The following NOS1AP variants were observed in gnomAD, a reference collection of about 807,000 sequenced individuals.
The protein encoded by NOS1AP is carboxyl-terminal PDZ ligand of neuronal nitric oxide synthase protein.
A neutral mutation model predicts 56.2 loss-of-function variants in NOS1AP; 21 were observed. The observed-to-expected ratio is 0.37, with a 90% CI of 0.26 to 0.54. NOS1AP has a LOEUF of 0.54. Among genes scored for constraint, NOS1AP ranks in the 20% least tolerant of loss-of-function variants. The pLI, the probability that NOS1AP is intolerant of heterozygous loss-of-function variation, is 0.84. For synonymous variants in NOS1AP, 270 were observed against 274.6 expected (o/e 0.98, Z 0.17); for missense variants, 522 against 657.8 (o/e 0.79, Z 2.26).
chr1:162,236,548 A>G (rs977636317), intron 2 of NOS1AP, among the ~76,000 whole-genome samples: 3 of 152,156 alleles, frequency 2.0e-5, no homozygotes, highest in Non-Finnish European at 4.4e-5. Context: ...CCCTTTGCCC[A>G]TATGTTACTT....
At chr1:162,217,838 G>A (rs1277169744) in intron 2 of NOS1AP, among the ~76,000 whole-genome samples, 1 of 152,176 alleles carries the variant, frequency 6.6e-6, no homozygotes, top group Non-Finnish European at 1.5e-5. Context: ...CGAGACTGGA[G>A]ATGGCCTCAT....
intron 1 of NOS1AP, among the ~76,000 whole-genome samples, chr1:162,075,665 G>C (rs1381790309): frequency 2.0e-5 from 3 of 152,182 alleles, no homozygotes; most frequent in African/African-American, 4.8e-5. Flanking sequence ...TAGCAATTCA[G>C]ATTAAGGGTC....
At chr1:162,162,180 T>C (rs1157414049) in intron 2 of NOS1AP, among the ~76,000 whole-genome samples, 1 of 152,250 alleles carries the variant, frequency 6.6e-6, no homozygotes, top group Non-Finnish European at 1.5e-5. Flanking sequence ...GTCTACTTGT[T>C]TCTACGTGTG....
intron 3 of NOS1AP, among the ~76,000 whole-genome samples, chr1:162,289,209 T>TTCCTTCCTTTCCTTCCTTCC (rs1276270878): frequency 3.0e-5 from 3 of 99,536 alleles, no homozygotes; most frequent in African/African-American, 1.2e-4. Flanking sequence ...CCTTCCTTCC[T>TTCCTTCCTTTCCTTCCTTCC]TTCCTTCCTT....
intron 2 of NOS1AP, 89 bp from the exon 3 acceptor site, chr1:162,287,255 C>CT: frequency 1.0e-6 from 1 of 955,988 alleles, no homozygotes; most frequent in Non-Finnish European, 1.7e-6. Context: ...GTCTGGGGAC[C>CT]TTTTTTCCAG....
intron 1 of NOS1AP, among the ~76,000 whole-genome samples, chr1:162,142,847 T>G (rs1230965793): frequency 6.6e-6 from 1 of 152,198 alleles, no homozygotes; most frequent in Non-Finnish European, 1.5e-5. Flanking sequence ...GACTCGATTG[T>G]TAGGACAGCG....
chr1:162,214,657 T>G (rs1652496057), intron 2 of NOS1AP, among the ~76,000 whole-genome samples: 1 of 152,248 alleles, frequency 6.6e-6, no homozygotes, highest in African/African-American at 2.4e-5. Flanking sequence ...TAGCCTTTTC[T>G]TCATTAGATA....
intron 6 of NOS1AP, among the ~76,000 whole-genome samples, chr1:162,354,552 C>A (rs929797244): frequency 1.4e-4 from 21 of 152,146 alleles, no homozygotes; most frequent in Non-Finnish European, 2.8e-4. Flanking sequence ...AAGCAGCCAC[C>A]CCATCTCTCT....
chr1:162,095,084 A>G (rs1692209664), intron 1 of NOS1AP, among the ~76,000 whole-genome samples: 1 of 152,194 alleles, frequency 6.6e-6, no homozygotes, highest in Admixed American at 6.5e-5. Context: ...CAACAGTTAT[A>G]GGAGCTGTGG....
At chr1:162,230,354 C>T (rs573155256) in intron 2 of NOS1AP, among the ~76,000 whole-genome samples, 2 of 152,276 alleles carry the variant, frequency 1.3e-5, no homozygotes, top group South Asian at 4.1e-4. Flanking sequence ...CCTTTCAGCA[C>T]CCTCTACTGA....
intron 1 of NOS1AP, among the ~76,000 whole-genome samples, chr1:162,095,109 C>T (rs942436102): frequency 2.6e-5 from 4 of 152,202 alleles, no homozygotes; most frequent in Admixed American, 1.3e-4. Context: ...ATATCTTCTA[C>T]AAATTTCTTA....
rs577721376 is a variant in NOS1AP, at chr1:162,112,352, G to C, written c.106-42053G>C. ...GGCTTGAGTTGTCATCTCACGTTAA[G>C]AGCATCCTGGCCTCTAGTGGAGGGT... On this transcript the variant is annotated intron_variant, in intron 1 of 9. Coordinates refer to ENST00000361897, the MANE Select transcript of NOS1AP (RefSeq NM_014697.3). 5.3e-5 allele frequency among the ~76,000 whole-genome samples: 8 copies of C among 152,072 alleles called. No homozygotes were observed. In the East Asian group the frequency reaches 1.5e-3, roughly 29 times the overall value.
rs1028367637 is a variant in NOS1AP at position 162,303,646 on chromosome 1, T to A, written c.344+2940T>A. Among the ~76,000 whole-genome samples the A allele has an allele frequency of 2.0e-5, 3 of 152,172 alleles. No individual in the cohort carries two copies. In the South Asian group the frequency reaches 6.2e-4, roughly 31 times the overall value. On this transcript the variant is annotated intron_variant, in intron 4 of 9. Transcript: ENST00000361897. The stretch of plus-strand genomic sequence containing the variant: ...TTGTAGAGACAGGGCCTCACTATGT[T>A]GCCCAGGCTGGTCTTGAACTGCTGA...
At chr1:162,199,414 A>T (rs532071055) in intron 2 of NOS1AP, among the ~76,000 whole-genome samples, 32 of 152,348 alleles carry the variant, frequency 2.1e-4, no homozygotes, top group Admixed American at 6.5e-4. Context: ...CAGGAAACTG[A>T]CATAGCTGGC....
intron 5 of NOS1AP, among the ~76,000 whole-genome samples, chr1:162,343,456 G>T (rs1215331379): frequency 1.3e-5 from 2 of 152,156 alleles, no homozygotes; most frequent in Admixed American, 1.3e-4. Context: ...ATTTGCAGCA[G>T]CATTCAAAAA....
Position 162,277,410 on chromosome 1 carries a change from CATACCTTTCATT to C in NOS1AP, c.178-9928_178-9917del, listed in dbSNP as rs370598355. Among the ~76,000 whole-genome samples, 172 of 152,302 alleles carry C rather than the reference CATACCTTTCATT, an allele frequency of 1.1e-3. 1 individual carries two copies. The highest frequency in any genetic ancestry group is 3.8e-3 in the African/African-American group (158 of 41,556). The stretch of plus-strand genomic sequence containing the variant: ...ATCTCTCAAGAATTACCTTCTTCAT[CATACCTTTCATT>C]ATACCACGAATATTCACTGGGGCCA... On this transcript the variant is annotated intron_variant, in intron 2 of 9. Coordinates refer to ENST00000361897, the MANE Select transcript of NOS1AP (RefSeq NM_014697.3).
At chr1:162,260,631 C>A (rs1458613145) in intron 2 of NOS1AP, among the ~76,000 whole-genome samples, 3 of 152,110 alleles carry the variant, frequency 2.0e-5, no homozygotes, top group Non-Finnish European at 2.9e-5. Context: ...ACTTATATAT[C>A]CAAAGAATGT....
At chr1:162,089,773 C>T (rs1692087674) in intron 1 of NOS1AP, among the ~76,000 whole-genome samples, 2 of 152,212 alleles carry the variant, frequency 1.3e-5, no homozygotes, top group African/African-American at 4.8e-5. Context: ...TGGCAGCCTC[C>T]AGCAGCTGGA....
chr1:162,145,838 C>A (rs766379254), intron 1 of NOS1AP, among the ~76,000 whole-genome samples: 1 of 152,008 alleles, frequency 6.6e-6, no homozygotes, highest in African/African-American at 2.4e-5. Flanking sequence ...AGGAGACCAG[C>A]GGGATATGAG....
Sources: allele counts gnomAD v4.1 joint callset (sites outside exome capture counted in the v4.1 genomes callset), GRCh38; gene constraint gnomAD v4.1.1; transcripts MANE v1.5; gene names NCBI Gene and HGNC (gene_info 2026-07-23, HGNC 2026-07-21).